The following STK3 variants were observed in gnomAD, a reference collection of about 807,000 sequenced individuals.
The protein encoded by STK3 is serine/threonine-protein kinase 3.
In STK3, 41 loss-of-function variants were observed where a neutral mutation model predicts 58.0. The ratio of observed to expected loss-of-function variants is 0.71; its 90% CI spans 0.55 to 0.92. The LOEUF is 0.92. Among genes scored for constraint, STK3 ranks in the 40% least tolerant of loss-of-function variants. The pLI, the probability that STK3 is intolerant of heterozygous loss-of-function variation, is 0.00. For missense variants in STK3, 479 were observed against 602.7 expected (o/e 0.79, Z 2.15); for synonymous variants, 170 against 191.0 (o/e 0.89, Z 0.91).
chr8:98,836,800 C>G (rs527549737), intron 3 of STK3, among the ~76,000 whole-genome samples: 1 of 152,124 alleles, frequency 6.6e-6, no homozygotes, highest in Non-Finnish European at 1.5e-5. Context: ...CAGCAGATCT[C>G]AAACTTTTCT....
intron 1 of STK3, among the ~76,000 whole-genome samples, chr8:98,938,583 C>T (rs1027788652): frequency 1.3e-5 from 2 of 152,122 alleles, no homozygotes; most frequent in African/African-American, 4.8e-5. Flanking sequence ...CCAGTGTGCA[C>T]CAAGTGGGTG....
At chr8:98,762,067 G>A (rs560231349) in intron 3 of STK3, among the ~76,000 whole-genome samples, 2 of 152,168 alleles carry the variant, frequency 1.3e-5, no homozygotes, top group South Asian at 2.1e-4. Flanking sequence ...ACCTCCCTGG[G>A]AAAACTTTCC....
intron 3 of STK3, among the ~76,000 whole-genome samples, chr8:98,412,726 A>G (rs929702770): frequency 6.6e-6 from 1 of 152,136 alleles, no homozygotes; most frequent in Non-Finnish European, 1.5e-5. Context: ...TCAGGTTATA[A>G]ATGCTTTACT....
At chr8:98,492,947 T>A (rs1822816197) in intron 10 of STK3, among the ~76,000 whole-genome samples, 1 of 152,044 alleles carries the variant, frequency 6.6e-6, no homozygotes, top group Non-Finnish European at 1.5e-5. Context: ...AATCATCAAG[T>A]ATGCCAGGCA....
chr8:98,497,590 C>T (rs543824811), intron 10 of STK3, among the ~76,000 whole-genome samples: 16 of 151,992 alleles, frequency 1.1e-4, no homozygotes, highest in Non-Finnish European at 1.9e-4. Context: ...GCTCTTACAA[C>T]TCAATAATAA....
At chr8:98,548,219 T>C (rs908835831) in intron 8 of STK3, 58 bp from the exon 9 acceptor site, 3 of 1,304,538 alleles carry the variant, frequency 2.3e-6, no homozygotes, top group Non-Finnish European at 3.0e-6. Flanking sequence ...GATTTCTTAA[T>C]TCTTAACAAG....
intron 8 of STK3, among the ~76,000 whole-genome samples, chr8:98,549,385 T>A (rs1390747631): frequency 2.0e-5 from 3 of 152,200 alleles, no homozygotes; most frequent in Admixed American, 6.5e-5. Flanking sequence ...TTCGCACGCT[T>A]ATTAGCCATT....
At chr8:98,660,528 A>G (rs2130783392) in intron 6 of STK3, among the ~76,000 whole-genome samples, 1 of 152,206 alleles carries the variant, frequency 6.6e-6, no homozygotes, top group East Asian at 1.9e-4. Context: ...TAAAACATGT[A>G]TGTTATGTGT....
intron 10 of STK3, among the ~76,000 whole-genome samples, chr8:98,507,256 C>T (rs1180113295): frequency 6.6e-6 from 1 of 152,112 alleles, no homozygotes; most frequent in African/African-American, 2.4e-5. Context: ...TTGGTATGCC[C>T]ACCTGGATGC....
intron 3 of STK3, among the ~76,000 whole-genome samples, chr8:98,756,452 T>C (rs565084747): frequency 2.6e-5 from 4 of 152,244 alleles, no homozygotes; most frequent in South Asian, 4.1e-4. Flanking sequence ...AGCCTGACCA[T>C]GAAGGGCCTC....
intron 3 of STK3, among the ~76,000 whole-genome samples, chr8:98,872,518 C>T (rs1239353580): frequency 3.9e-5 from 6 of 152,172 alleles, no homozygotes; most frequent in African/African-American, 1.4e-4. Flanking sequence ...AATTTCAGAA[C>T]CTGTTATTTG....
intron 10 of STK3, among the ~76,000 whole-genome samples, chr8:98,483,905 A>G (rs1822033521): frequency 6.6e-6 from 1 of 152,218 alleles, no homozygotes. Context: ...AACAGAACAC[A>G]GGAGTGTGTT....
intron 3 of STK3, among the ~76,000 whole-genome samples, chr8:98,846,458 T>C (rs1372462041): frequency 1.3e-5 from 2 of 152,224 alleles, no homozygotes; most frequent in African/African-American, 4.8e-5. Flanking sequence ...GCAACTACTA[T>C]GTTCCAGACA....
chr8:98,779,462 G>A (rs567041360), intron 1 of STK3, among the ~76,000 whole-genome samples: 1 of 152,320 alleles, frequency 6.6e-6, no homozygotes, highest in East Asian at 1.9e-4. Context: ...ATGGGTGGCT[G>A]AGATAGTGAC....
intron 6 of STK3, among the ~76,000 whole-genome samples, chr8:98,695,134 T>C (rs1226411829): frequency 3.9e-5 from 6 of 152,230 alleles, no homozygotes; most frequent in Admixed American, 3.9e-4. Context: ...TGTTCTTTGG[T>C]TGCATAAATG....
intron 1 of STK3, among the ~76,000 whole-genome samples, chr8:98,779,220 C>T (rs887377256): frequency 9.2e-5 from 14 of 152,070 alleles, no homozygotes; most frequent in Non-Finnish European, 1.9e-4. Context: ...AAAAGCCTGC[C>T]GTTGTTTGTT....
intron 3 of STK3, among the ~76,000 whole-genome samples, chr8:98,404,256 G>A (rs750319837): frequency 1.3e-5 from 2 of 152,154 alleles, no homozygotes; most frequent in Non-Finnish European, 2.9e-5. Flanking sequence ...TTGACCGTGG[G>A]GCAGGTGCAG....
chr8:98,921,235 T>C (rs765764861), intron 1 of STK3: 4 of 151,926 alleles, frequency 2.6e-5, no homozygotes, highest in Non-Finnish European at 5.9e-5. Context: ...CTGCTCTATC[T>C]TCAGGGTCTG....
intron 7 of STK3, 155 bp downstream of exon 7, chr8:98,595,877 G>A (rs1204879845): frequency 4.0e-6 from 3 of 741,488 alleles, no homozygotes; most frequent in Non-Finnish European, 6.0e-6. Flanking sequence ...ATGAGGGGAC[G>A]AGAGGGGAGG....
Sources: gnomAD v4.1 joint callset for allele counts (sites outside exome capture counted in the v4.1 genomes callset) on GRCh38, gnomAD v4.1.1 for gene constraint, MANE v1.5 for transcripts, NCBI Gene and HGNC (gene_info 2026-07-23, HGNC 2026-07-21) for gene names.